The following HK1 variants were observed in gnomAD, a reference collection of about 807,000 sequenced individuals.
HK1 encodes hexokinase-1.
A neutral mutation model predicts 91.6 loss-of-function variants in HK1; 28 were observed. That is an observed-to-expected ratio of 0.31 (90% CI 0.23 to 0.42). HK1 has a LOEUF of 0.42. Among genes scored for constraint, HK1 ranks in the 10% least tolerant of loss-of-function variants. The probability of loss-of-function intolerance (pLI) is 1.00; values close to 1 mark genes in which losing one functional copy is unlikely to be tolerated. For missense variants in HK1, 770 were observed against 1,219.8 expected (o/e 0.63, Z 5.49); for synonymous variants, 430 against 468.1 (o/e 0.92, Z 1.05).
chr10:69,320,889 A>G (rs1175420991), intron 1 of HK1, among the ~76,000 whole-genome samples: 1 of 152,152 alleles, frequency 6.6e-6, no homozygotes, highest in Non-Finnish European at 1.5e-5. Context: ...GGGTGGCTCA[A>G]TTCACATCTA....
intron 3 of HK1, among the ~76,000 whole-genome samples, chr10:69,364,088 G>C (rs963787125): frequency 6.6e-6 from 1 of 152,176 alleles, no homozygotes; most frequent in African/African-American, 2.4e-5. Flanking sequence ...ATAGACGTCG[G>C]GGTGGCTGGC....
chr10:69,373,746 T>C (rs77032414), intron 7 of HK1, among the ~76,000 whole-genome samples: 1 of 151,720 alleles, frequency 6.6e-6, no homozygotes, highest in East Asian at 1.9e-4. Flanking sequence ...AGCAGTACCA[T>C]GCCTGGCTAA....
intron 8 of HK1, among the ~76,000 whole-genome samples, chr10:69,379,248 A>C (rs1046621815): frequency 6.6e-6 from 1 of 152,242 alleles, no homozygotes; most frequent in Non-Finnish European, 1.5e-5. Context: ...TACATATTTT[A>C]AAACACATTT....
intron 7 of HK1, among the ~76,000 whole-genome samples, chr10:69,372,962 A>G (rs979047210): frequency 1.3e-5 from 2 of 152,056 alleles, no homozygotes; most frequent in Admixed American, 6.6e-5. Flanking sequence ...TTTGCCTCCC[A>G]GGTTCTACGT....
Position 69,376,976 on chromosome 10 carries a change from T to A in HK1, c.918T>A (p.Val306=), listed in dbSNP as rs763692233. The A allele has an allele frequency of 1.2e-6, 2 of 1,614,200 alleles. No homozygotes were observed. Among genetic ancestry groups the A allele is most frequent in the South Asian group, 2.2e-5 (2 of 91,088 alleles). The stretch of plus-strand genomic sequence containing the variant: ...GTGGCATGTACTTGGGAGAGCTGGT[T>A]CGACTGATCCTAGTCAAGATGGCCA... The part of the protein sequence containing the change: ...MVSGMYLGEL[V]RLILVKMAKE... Residue 306 remains valine (V), a synonymous_variant, in exon 8 of 18, where the codon GTT becomes GTA. Coordinates refer to ENST00000359426, the MANE Select transcript of HK1 (RefSeq NM_000188.3).
chr10:69,338,264 G>A, intron 1 of HK1: 1 of 1,160,928 alleles, frequency 8.6e-7, no homozygotes, highest in Non-Finnish European at 1.1e-6. Flanking sequence ...CTTCACTCTG[G>A]GCAGCGGTGG....
chr10:69,355,440 G>A (rs973288454), intron 2 of HK1, among the ~76,000 whole-genome samples: 3 of 152,210 alleles, frequency 2.0e-5, no homozygotes, highest in Non-Finnish European at 4.4e-5. Context: ...AAGACATGTG[G>A]TACTGGCATG....
At chr10:69,348,221 G>C (rs1302372741) in intron 2 of HK1, among the ~76,000 whole-genome samples, 2 of 152,112 alleles carry the variant, frequency 1.3e-5, no homozygotes, top group Admixed American at 1.3e-4. Flanking sequence ...AAATTTTCTA[G>C]AAGCTTGGAT....
At chr10:69,325,697 C>T (rs541178199) in intron 1 of HK1, among the ~76,000 whole-genome samples, 17 of 151,898 alleles carry the variant, frequency 1.1e-4, no homozygotes, top group South Asian at 4.2e-4. Flanking sequence ...CCACCATGCC[C>T]GGCTAATTTT....
intron 7 of HK1, among the ~76,000 whole-genome samples, chr10:69,371,676 G>A (rs761313078): frequency 6.6e-6 from 1 of 152,188 alleles, no homozygotes; most frequent in Non-Finnish European, 1.5e-5. Flanking sequence ...TCCCAGTTTG[G>A]GAACCCTGCA....
chr10:69,323,723 A>C (rs553707080), intron 1 of HK1, among the ~76,000 whole-genome samples: 2 of 152,286 alleles, frequency 1.3e-5, no homozygotes, highest in East Asian at 1.9e-4. Flanking sequence ...TGGGAATGTC[A>C]TGAAGGAATA....
chr10:69,326,125 C>A (rs964320900), intron 1 of HK1, among the ~76,000 whole-genome samples: 1 of 150,316 alleles, frequency 6.7e-6, no homozygotes, highest in Non-Finnish European at 1.5e-5. Context: ...TGAGCCACCG[C>A]GCCTGGCCGC....
At chr10:69,360,884 G>A (rs902307291) in intron 3 of HK1, among the ~76,000 whole-genome samples, 17 of 152,190 alleles carry the variant, frequency 1.1e-4, no homozygotes, top group African/African-American at 4.1e-4. Flanking sequence ...CTCCAGTCTG[G>A]CTCGCCTCCT....
At chr10:69,365,802 C>T (rs1164519652) in intron 4 of HK1, among the ~76,000 whole-genome samples, 1 of 152,116 alleles carries the variant, frequency 6.6e-6, no homozygotes, top group Non-Finnish European at 1.5e-5. Context: ...CCACTGCACC[C>T]CAACCTGGGG....
chr10:69,369,427 C>T lies in HK1; in HGVS notation c.692-14C>T, dbSNP rs746269369. On this transcript the variant is annotated splice_polypyrimidine_tract_variant and intron_variant, in intron 6 of 17. Coordinates refer to ENST00000359426, the MANE Select transcript of HK1 (RefSeq NM_000188.3). The surrounding 1 kb of genome is among the most constrained non-coding windows in gnomAD (Gnocchi z 4.4). Reference sequence around the variant, plus strand: ...CCGTTGTGTGGTCATAGCTTCTGATCTTGTCCTGCCCAGGCACTGGCACCA... The same window carrying T: ...CCGTTGTGTGGTCATAGCTTCTGATTTTGTCCTGCCCAGGCACTGGCACCA... 2.5e-6 allele frequency: 4 copies of T among 1,614,236 alleles called. No individual in the cohort carries two copies. Among genetic ancestry groups the T allele is most frequent in the Non-Finnish European group, 1.7e-6 (2 of 1,180,044 alleles).
At chr10:69,311,958 T>A (rs973302314), upstream of HK1, among the ~76,000 whole-genome samples, 1 of 152,106 alleles carries the variant, frequency 6.6e-6, no homozygotes, top group Non-Finnish European at 1.5e-5. Flanking sequence ...TTTACGCCTA[T>A]GACTTTTGTC....
At chr10:69,310,718 A>T (rs1405519753) in intron 5 of HK1, among the ~76,000 whole-genome samples, 2 of 152,230 alleles carry the variant, frequency 1.3e-5, no homozygotes, top group Non-Finnish European at 2.9e-5. Context: ...CTACAAGTTT[A>T]TTCATTTCAG....
chr10:69,351,000 C>A (rs1848830007), intron 2 of HK1, among the ~76,000 whole-genome samples: 1 of 119,548 alleles, frequency 8.4e-6, no homozygotes, highest in Admixed American at 8.3e-5. Context: ...GAAACCCCGT[C>A]TCTACTAAAA....
At chr10:69,302,869 C>T (rs2132506372) in intron 5 of HK1, among the ~76,000 whole-genome samples, 1 of 152,130 alleles carries the variant, frequency 6.6e-6, no homozygotes, top group Non-Finnish European at 1.5e-5. Flanking sequence ...CATGTGGAGC[C>T]CATGGGAGTG....
Sources: gnomAD v4.1 joint callset for allele counts (sites outside exome capture counted in the v4.1 genomes callset) on GRCh38, gnomAD v4.1.1 for gene constraint, Gnocchi (gnomAD v3.1) non-coding constraint, MANE v1.5 for transcripts, NCBI Gene and HGNC (gene_info 2026-07-23, HGNC 2026-07-21) for gene names.